SH3GL2: variants seen among roughly 807,000 people sequenced by gnomAD.
SH3GL2 encodes endophilin-A1.
Under a neutral mutation model 46.0 loss-of-function variants are expected in SH3GL2, and 24 were observed. The ratio of observed to expected loss-of-function variants is 0.52; its 90% CI spans 0.38 to 0.73. The LOEUF (loss-of-function observed/expected upper bound fraction) is 0.73, where lower values mean the gene tolerates loss of function less well. Among genes scored for constraint, SH3GL2 ranks in the 30% least tolerant of loss-of-function variants. The pLI, the probability that SH3GL2 is intolerant of heterozygous loss-of-function variation, is 0.00. For synonymous variants in SH3GL2, 196 were observed against 147.1 expected (o/e 1.33, Z -2.40); for missense variants, 413 against 424.2 (o/e 0.97, Z 0.23).
chr9:17,765,666 G>A (rs1165193602), intron 3 of SH3GL2, among the ~76,000 whole-genome samples: 2 of 152,096 alleles, frequency 1.3e-5, no homozygotes, highest in Non-Finnish European at 2.9e-5. Flanking sequence ...CAGCTCCCTC[G>A]GGTCCAGCGT....
intron 1 of SH3GL2, among the ~76,000 whole-genome samples, chr9:17,660,354 G>A (rs558840270): frequency 6.6e-6 from 1 of 152,280 alleles, no homozygotes; most frequent in South Asian, 2.1e-4. Flanking sequence ...GGTAGGATGT[G>A]TTCTCCAGTT....
intron 3 of SH3GL2, among the ~76,000 whole-genome samples, chr9:17,775,620 T>C (rs1823620726): frequency 6.6e-6 from 1 of 152,208 alleles, no homozygotes; most frequent in African/African-American, 2.4e-5. Context: ...TATTCGGCAT[T>C]TGTCCTGCTC....
intron 4 of SH3GL2, 112 bp downstream of exon 4, chr9:17,786,636 T>C: frequency 2.7e-6 from 3 of 1,127,160 alleles, no homozygotes; most frequent in Non-Finnish European, 3.9e-6. Flanking sequence ...TGGTTTTCAG[T>C]TTTAGATCCT....
chr9:17,742,779 C>T (rs1167878878), intron 1 of SH3GL2, among the ~76,000 whole-genome samples: 2 of 152,120 alleles, frequency 1.3e-5, no homozygotes, highest in African/African-American at 4.8e-5. Context: ...AAATGGGCAC[C>T]ATTAAAGGTT....
At chr9:17,754,782 G>C (rs913823509) in intron 2 of SH3GL2, among the ~76,000 whole-genome samples, 5 of 152,142 alleles carry the variant, frequency 3.3e-5, no homozygotes, top group Non-Finnish European at 7.4e-5. Flanking sequence ...GTTGGCTCTT[G>C]GCTTGACTGT....
chr9:17,743,569 A>AACACACACAC (rs58408701), intron 1 of SH3GL2, among the ~76,000 whole-genome samples: 9,361 of 143,572 alleles, frequency 0.065, 388 homozygotes, highest in East Asian at 0.12. Context: ...CTCTTTTGTG[A>AACACACACAC]ACACACACAC....
chr9:17,636,052 A>G (rs930465042), intron 1 of SH3GL2, among the ~76,000 whole-genome samples: 4 of 152,160 alleles, frequency 2.6e-5, no homozygotes, highest in Non-Finnish European at 4.4e-5. Flanking sequence ...TGATTATCTT[A>G]TATCTGCTTG....
intron 1 of SH3GL2, among the ~76,000 whole-genome samples, chr9:17,673,510 C>T (rs910827148): frequency 2.0e-5 from 3 of 151,950 alleles, no homozygotes; most frequent in African/African-American, 7.2e-5. Flanking sequence ...ATCTTCTATA[C>T]GCAACCATGA....
At chr9:17,615,217 G>C (rs546989139) in intron 1 of SH3GL2, among the ~76,000 whole-genome samples, 89 of 152,290 alleles carry the variant, frequency 5.8e-4, no homozygotes, top group African/African-American at 1.9e-3. Context: ...GACCTTTCTG[G>C]AGTCTGTTTT....
At chr9:17,580,313 C>G (rs909849003) in intron 1 of SH3GL2, among the ~76,000 whole-genome samples, 1 of 152,152 alleles carries the variant, frequency 6.6e-6, no homozygotes, top group Non-Finnish European at 1.5e-5. Context: ...AACGAGCTTT[C>G]TCATAATTTC....
intron 1 of SH3GL2, among the ~76,000 whole-genome samples, chr9:17,627,161 A>C (rs1431140634): frequency 6.6e-6 from 1 of 152,160 alleles, no homozygotes; most frequent in Admixed American, 6.5e-5. Context: ...TTTTCAATAC[A>C]CTCAAGGAAT....
In SH3GL2 at chr9:17,764,386, A is replaced by T. The variant is rs539854174; in HGVS notation, c.187+2877A>T. On this transcript the variant is annotated intron_variant, in intron 3 of 8. Transcript: ENST00000380607. ...CAGGTAACTGGTAAAGTTGAGAGTT[A>T]GGCAGACACCCAGAGAGACAGTCCT... Among the ~76,000 whole-genome samples, 31 of 152,358 alleles carry T rather than the reference A, an allele frequency of 2.0e-4. No homozygotes were observed. The South Asian group carries it at 5.2e-3, about 25-fold the overall frequency.
intron 1 of SH3GL2, among the ~76,000 whole-genome samples, chr9:17,628,340 A>G (rs1018942388): frequency 4.6e-5 from 7 of 151,730 alleles, no homozygotes; most frequent in Non-Finnish European, 1.0e-4. Flanking sequence ...ACATTAATCT[A>G]TTTCTCAAAT....
intron 1 of SH3GL2, among the ~76,000 whole-genome samples, chr9:17,651,809 T>C (rs938179573): frequency 6.6e-6 from 1 of 152,188 alleles, no homozygotes. Context: ...TTGTTTTAAA[T>C]TCTTATTTTG....
At chr9:17,643,593 T>C (rs896396452) in intron 1 of SH3GL2, among the ~76,000 whole-genome samples, 1 of 151,262 alleles carries the variant, frequency 6.6e-6, no homozygotes, top group African/African-American at 2.4e-5. Context: ...GTTCTGTTTA[T>C]GTGTTTTTTG....
intron 5 of SH3GL2, 137 bp from the exon 6 acceptor site, chr9:17,789,255 T>C: frequency 1.5e-6 from 1 of 652,366 alleles, no homozygotes; most frequent in East Asian, 2.6e-5. Context: ...CATGTTTCTT[T>C]ATTTCTCTGG....
chr9:17,701,719 C>G (rs1038475977), intron 1 of SH3GL2, among the ~76,000 whole-genome samples: 1 of 151,948 alleles, frequency 6.6e-6, no homozygotes, highest in African/African-American at 2.4e-5. Flanking sequence ...TAGCATTAAA[C>G]AAAGATAAAA....
chr9:17,774,256 C>T (rs9406716), intron 3 of SH3GL2, among the ~76,000 whole-genome samples: 15,396 of 152,040 alleles, frequency 0.1, 867 homozygotes, highest in Non-Finnish European at 0.11. Flanking sequence ...GATAATTTTA[C>T]TTGTTTACAT....
At chr9:17,723,746 T>C (rs1202972419) in intron 1 of SH3GL2, among the ~76,000 whole-genome samples, 1 of 151,604 alleles carries the variant, frequency 6.6e-6, no homozygotes, top group African/African-American at 2.4e-5. Flanking sequence ...CCATTGATTT[T>C]TGTGTTTTTT....
Sources: allele counts gnomAD v4.1 joint callset (sites outside exome capture counted in the v4.1 genomes callset), GRCh38; gene constraint gnomAD v4.1.1; transcripts MANE v1.5; gene names NCBI Gene and HGNC (gene_info 2026-07-23, HGNC 2026-07-21).